Variants in TMEM232 observed in about 807,000 individuals in gnomAD.
The protein encoded by TMEM232 is transmembrane protein 232.
Under a neutral mutation model 78.8 loss-of-function variants are expected in TMEM232, and 80 were observed. The ratio of observed to expected loss-of-function variants is 1.01; its 90% CI spans 0.85 to 1.22. The LOEUF (loss-of-function observed/expected upper bound fraction) is 1.22, where lower values mean the gene tolerates loss of function less well. Ranked by LOEUF, TMEM232 falls within the 50% of genes most tolerant of loss-of-function variation. The probability of loss-of-function intolerance (pLI) is 0.00; values close to 1 mark genes in which losing one functional copy is unlikely to be tolerated. For synonymous variants in TMEM232, 297 were observed against 254.3 expected (o/e 1.17, Z -1.60); for missense variants, 881 against 742.2 (o/e 1.19, Z -2.17).
Position 110,588,665 on chromosome 5 carries a change from T to C in TMEM232, c.1276+16444A>G, listed in dbSNP as rs1332407153. Among the ~76,000 whole-genome samples, 3 of 152,020 alleles carry C rather than the reference T, an allele frequency of 2.0e-5. No homozygotes were observed. The East Asian group carries it at 5.8e-4, about 29-fold the overall frequency. ...AAAATTTAAGCCCAGGTTTGGAAAA[T>C]ATGGAAAGAAAAATTTCATTGTAGT... On this transcript the variant is annotated intron_variant, in intron 10 of 13. Coordinates refer to ENST00000455884, the MANE Select transcript of TMEM232 (RefSeq NM_001039763.4).
At chr5:110,476,094 T>G (rs1163591470) in intron 12 of TMEM232, among the ~76,000 whole-genome samples, 1 of 152,046 alleles carries the variant, frequency 6.6e-6, no homozygotes, top group African/African-American at 2.4e-5. Flanking sequence ...TTTAGTTTTT[T>G]TAATATATAA....
At chr5:110,605,483 A>G in intron 9 of TMEM232, 125 bp from the exon 10 acceptor site, 1 of 1,152,458 alleles carries the variant, frequency 8.7e-7, no homozygotes, top group Non-Finnish European at 1.2e-6. Context: ...TGTTCATTAA[A>G]AAATGGGTTT....
intron 12 of TMEM232, among the ~76,000 whole-genome samples, chr5:110,467,921 TTTG>T (rs1762259158): frequency 2.1e-5 from 3 of 143,520 alleles, no homozygotes; most frequent in Admixed American, 6.9e-5. Flanking sequence ...ACTCTTTGGC[TTTG>T]GGTGCATCAC....
At position 110,660,199 on chromosome 5, in the gene TMEM232, C is replaced by T. The variant is rs572691174; in HGVS notation, c.125+7029G>A. On this transcript the variant is annotated intron_variant, in intron 2 of 13. Coordinates refer to ENST00000455884, the MANE Select transcript of TMEM232 (RefSeq NM_001039763.4). ...TTTGGGAGAAGGAAGCCAAAATAAT[C>T]TTAAATAAATGACATTACAATTTCA... Among the ~76,000 whole-genome samples the T allele has an allele frequency of 2.0e-5, 3 of 151,926 alleles. No homozygotes were observed. In the South Asian group the frequency reaches 6.2e-4, roughly 32 times the overall value.
chr5:110,493,099 C>T (rs1268232110), intron 12 of TMEM232, among the ~76,000 whole-genome samples: 1 of 151,572 alleles, frequency 6.6e-6, no homozygotes, highest in Non-Finnish European at 1.5e-5. Flanking sequence ...ACAAAACACC[C>T]ATACAAGAAA....
At chr5:110,546,515 A>G (rs1350203967) in intron 11 of TMEM232, among the ~76,000 whole-genome samples, 1 of 152,136 alleles carries the variant, frequency 6.6e-6, no homozygotes. Flanking sequence ...GTTATGTTTC[A>G]CTCTATGTAG....
chr5:110,454,931 C>G (rs1361737504), intron 12 of TMEM232, among the ~76,000 whole-genome samples: 1 of 150,306 alleles, frequency 6.7e-6, no homozygotes, highest in African/African-American at 2.5e-5. Flanking sequence ...AAAAGATAAA[C>G]CTCTAGCCAG....
chr5:110,413,976 T>G (rs1393402320), intron 2 of TMEM232, among the ~76,000 whole-genome samples: 1 of 152,072 alleles, frequency 6.6e-6, no homozygotes, highest in Non-Finnish European at 1.5e-5. Flanking sequence ...CACAACACAA[T>G]GGAGCCAGAA....
At chr5:110,719,897 T>TG (rs1797416813) in intron 1 of TMEM232, among the ~76,000 whole-genome samples, 1 of 152,090 alleles carries the variant, frequency 6.6e-6, no homozygotes, top group Non-Finnish European at 1.5e-5. Context: ...TTTTAAAAAA[T>TG]GCTCTAGAGT....
intron 12 of TMEM232, among the ~76,000 whole-genome samples, chr5:110,514,641 T>C (rs1354350941): frequency 6.6e-6 from 1 of 152,178 alleles, no homozygotes; most frequent in Non-Finnish European, 1.5e-5. Context: ...ATATTTCACA[T>C]AGTCTGAAGG....
chr5:110,476,916 G>A (rs1327807247), intron 12 of TMEM232, among the ~76,000 whole-genome samples: 1 of 151,962 alleles, frequency 6.6e-6, no homozygotes, highest in African/African-American at 2.4e-5. Flanking sequence ...AACAGACAGA[G>A]GATGATAACG....
At chr5:110,615,760 A>T (rs1782846043) in intron 8 of TMEM232, among the ~76,000 whole-genome samples, 1 of 151,990 alleles carries the variant, frequency 6.6e-6, no homozygotes, top group South Asian at 2.1e-4. Context: ...AGCTAACCAA[A>T]AGACTGTTAG....
chr5:110,503,524 G>T (rs1049633846), intron 12 of TMEM232, among the ~76,000 whole-genome samples: 1 of 152,090 alleles, frequency 6.6e-6, no homozygotes, highest in Non-Finnish European at 1.5e-5. Context: ...GAAGATCAGG[G>T]TGCTGAGGGA....
chr5:110,686,145 C>G (rs115945906), intron 1 of TMEM232, among the ~76,000 whole-genome samples: 539 of 152,144 alleles, frequency 3.5e-3, no homozygotes, highest in Non-Finnish European at 5.4e-3. Flanking sequence ...CTCCCCCAAA[C>G]AAGAGATAGA....
At chr5:110,718,144 C>CAT (rs1321476000) in intron 1 of TMEM232, among the ~76,000 whole-genome samples, 2 of 152,084 alleles carry the variant, frequency 1.3e-5, no homozygotes, top group Non-Finnish European at 2.9e-5. Context: ...TATAAATCTA[C>CAT]ATATATTTGT....
At chr5:110,584,467 G>A (rs976667784) in intron 10 of TMEM232, among the ~76,000 whole-genome samples, 5 of 152,066 alleles carry the variant, frequency 3.3e-5, no homozygotes, top group African/African-American at 9.6e-5. Context: ...CCGAGGCAAA[G>A]AATAGAATGG....
At chr5:110,479,328 C>A (rs557367161) in intron 12 of TMEM232, among the ~76,000 whole-genome samples, 49 of 151,800 alleles carry the variant, frequency 3.2e-4, no homozygotes, top group African/African-American at 1.1e-3. Context: ...ATATTTAGGT[C>A]ATAAAACATA....
At chr5:110,649,807 T>G (rs1454028655) in intron 2 of TMEM232, among the ~76,000 whole-genome samples, 1 of 152,102 alleles carries the variant, frequency 6.6e-6, no homozygotes, top group African/African-American at 2.4e-5. Context: ...CTTTTTTGTC[T>G]TTTTATTAAA....
intron 1 of TMEM232, among the ~76,000 whole-genome samples, chr5:110,682,040 CA>C (rs1005662601): frequency 7.2e-5 from 11 of 152,164 alleles, no homozygotes; most frequent in African/African-American, 2.6e-4. Context: ...TATTAAGACA[CA>C]TTTTTTTTAC....
Sources: gnomAD v4.1 joint callset for allele counts (sites outside exome capture counted in the v4.1 genomes callset) on GRCh38, gnomAD v4.1.1 for gene constraint, MANE v1.5 for transcripts, NCBI Gene and HGNC (gene_info 2026-07-23, HGNC 2026-07-21) for gene names.